PTPRM: variants seen among roughly 807,000 people sequenced by gnomAD.
The protein encoded by PTPRM is receptor-type tyrosine-protein phosphatase mu.
In PTPRM, 47 loss-of-function variants were observed where a neutral mutation model predicts 186.7. The observed-to-expected ratio is 0.25, with a 90% CI of 0.20 to 0.32. The LOEUF (loss-of-function observed/expected upper bound fraction) is 0.32. Ranked by LOEUF, PTPRM falls within the 10% of genes least tolerant of loss-of-function variation. The pLI is 1.00. For missense variants in PTPRM, 1,494 were observed against 1,865.0 expected, an observed-to-expected ratio of 0.80 and a Z score of 3.66; for synonymous variants, 668 against 674.9, an observed-to-expected ratio of 0.99 and a Z score of 0.16.
intron 2 of PTPRM, among the ~76,000 whole-genome samples, chr18:7,884,801 G>A (rs2048688331): frequency 6.6e-6 from 1 of 151,620 alleles, no homozygotes; most frequent in African/African-American, 2.4e-5. Context: ...GCAGGCACCT[G>A]TAATCCCAGC....
chr18:7,570,264 A>G (rs138162987), intron 1 of PTPRM, among the ~76,000 whole-genome samples: 1 of 152,054 alleles, frequency 6.6e-6, no homozygotes, highest in Non-Finnish European at 1.5e-5. Flanking sequence ...TTGTTTTTGT[A>G]TGTTGAGGAA....
intron 23 of PTPRM, among the ~76,000 whole-genome samples, chr18:8,350,665 TC>T (rs1431804777): frequency 1.8e-4 from 28 of 152,212 alleles, no homozygotes; most frequent in Non-Finnish European, 3.7e-4. Flanking sequence ...TCAGAATCCT[TC>T]AGTGATTCCT....
chr18:8,296,235 T>C, intron 19 of PTPRM, 133 bp from the exon 20 acceptor site: 6 of 624,522 alleles, frequency 9.6e-6, no homozygotes, highest in Admixed American at 2.8e-5. Flanking sequence ...AGTGTAATAA[T>C]CCCTTGTCTC....
Position 8,353,586 on chromosome 18 carries a change from C to T in PTPRM, c.3054+10066C>T, listed in dbSNP as rs186413544. Among the ~76,000 whole-genome samples the T allele has an allele frequency of 1.9e-3, 283 of 152,114 alleles. 1 individual carries two copies. The highest frequency in any genetic ancestry group is 6.5e-3 in the African/African-American group (269 of 41,470). On this transcript the variant is annotated intron_variant, in intron 23 of 32. Coordinates refer to ENST00000580170, the MANE Select transcript of PTPRM (RefSeq NM_001105244.2). ...ACTTGAGAATGAACCAGGGTTTCTA[C>T]CACTGTGACTTGGGTTGCTATAAAG... is the stretch of plus-strand genomic sequence containing the variant.
intron 22 of PTPRM, among the ~76,000 whole-genome samples, chr18:8,341,689 C>CT (rs950036340): frequency 6.6e-6 from 1 of 151,800 alleles, no homozygotes; most frequent in South Asian, 2.1e-4. Flanking sequence ...GAAGCCCCCC[C>CT]CCCTTTGATT....
intron 1 of PTPRM, among the ~76,000 whole-genome samples, chr18:7,694,552 A>G (rs1030677729): frequency 2.0e-5 from 3 of 151,214 alleles, no homozygotes; most frequent in African/African-American, 7.3e-5. Context: ...TCAGCCTCCC[A>G]AGTAGTTGGG....
chr18:8,233,008 A>T (rs1043582013), intron 14 of PTPRM, among the ~76,000 whole-genome samples: 4 of 152,194 alleles, frequency 2.6e-5, no homozygotes, highest in African/African-American at 9.7e-5. Context: ...TAGATGTCTC[A>T]GGAGATAACT....
intron 1 of PTPRM, among the ~76,000 whole-genome samples, chr18:7,585,443 C>T (rs2036954764): frequency 6.6e-6 from 1 of 152,094 alleles, no homozygotes; most frequent in South Asian, 2.1e-4. Context: ...TGGCAGTCTT[C>T]CCTTCTGTCC....
chr18:7,917,741 G>A (rs1334669407), intron 4 of PTPRM, among the ~76,000 whole-genome samples: 1 of 151,566 alleles, frequency 6.6e-6, no homozygotes, highest in African/African-American at 2.4e-5. Flanking sequence ...TTTGCAAACT[G>A]TGGTCACCCT....
Position 7,986,906 on chromosome 18 carries a change from G to A in PTPRM, c.1132+31492G>A, listed in dbSNP as rs77539360. Among the ~76,000 whole-genome samples, 1,421 of 152,226 alleles carry A rather than the reference G, an allele frequency of 9.3e-3. 23 individuals are homozygous for A. The highest frequency in any genetic ancestry group is 0.032 in the African/African-American group (1,316 of 41,512). On this transcript the variant is annotated intron_variant, in intron 7 of 32. Coordinates refer to ENST00000580170, the MANE Select transcript of PTPRM (RefSeq NM_001105244.2). ...GTAAGAAGAGGAGATTAGGATACAG[G>A]CATTGTACAGAGAGAAGACCATGGG... is the stretch of plus-strand genomic sequence containing the variant.
Position 8,022,501 on chromosome 18 carries a change from A to G in PTPRM, c.1133-47185A>G, listed in dbSNP as rs114294615. Among the ~76,000 whole-genome samples, 1,326 of 152,298 alleles carry G rather than the reference A, an allele frequency of 8.7e-3. 20 individuals are homozygous for G. Among genetic ancestry groups the G allele is most frequent in the African/African-American group, 0.031 (1,271 of 41,566 alleles). On this transcript the variant is annotated intron_variant, in intron 7 of 32. Transcript: ENST00000580170. ...TCCTTATCATTTCATAGCTCCTGGC[A>G]CAGTTGTGAATCTGAATCTTGAAGG...
chr18:7,680,562 G>A (rs73939335), intron 1 of PTPRM, among the ~76,000 whole-genome samples: 3,169 of 152,244 alleles, frequency 0.021, 96 homozygotes, highest in African/African-American at 0.067. Context: ...TAGGAAAACC[G>A]TTTCACATGC....
chr18:8,338,674 T>C (rs1216582538), intron 22 of PTPRM, among the ~76,000 whole-genome samples: 1 of 152,220 alleles, frequency 6.6e-6, no homozygotes, highest in Non-Finnish European at 1.5e-5. Context: ...GATGGTGTTT[T>C]CTAAATTTAA....
chr18:7,819,579 G>A (rs1311394145), intron 2 of PTPRM, among the ~76,000 whole-genome samples: 2 of 152,224 alleles, frequency 1.3e-5, no homozygotes, highest in Non-Finnish European at 2.9e-5. Flanking sequence ...ATAAAACCTC[G>A]TCCTCATTCT....
At chr18:8,161,022 A>C (rs2093219853) in intron 14 of PTPRM, among the ~76,000 whole-genome samples, 1 of 152,244 alleles carries the variant, frequency 6.6e-6, no homozygotes, top group South Asian at 2.1e-4. Flanking sequence ...GAATTTGAAG[A>C]AATTGGCCAC....
At chr18:7,617,368 A>G (rs2037831119) in intron 1 of PTPRM, among the ~76,000 whole-genome samples, 1 of 152,098 alleles carries the variant, frequency 6.6e-6, no homozygotes, top group Non-Finnish European at 1.5e-5. Flanking sequence ...ATGATTTTCT[A>G]GTGGCTGCAA....
intron 7 of PTPRM, among the ~76,000 whole-genome samples, chr18:7,964,326 T>G (rs968743328): frequency 2.0e-5 from 3 of 152,210 alleles, no homozygotes; most frequent in African/African-American, 7.2e-5. Flanking sequence ...TTCTTTCACT[T>G]TATAGTCTGA....
chr18:7,645,690 T>TA (rs1462057800), intron 1 of PTPRM, among the ~76,000 whole-genome samples: 1 of 152,198 alleles, frequency 6.6e-6, no homozygotes, highest in African/African-American at 2.4e-5. Flanking sequence ...ATAACACAGA[T>TA]AAAGACCAGC....
At chr18:7,952,568 C>T (rs1348806050) in intron 6 of PTPRM, among the ~76,000 whole-genome samples, 2 of 151,472 alleles carry the variant, frequency 1.3e-5, no homozygotes, top group Non-Finnish European at 2.9e-5. Context: ...TGGTGGCGGG[C>T]GCCTGTAGTC....
Sources: gnomAD v4.1 joint callset for allele counts (sites outside exome capture counted in the v4.1 genomes callset) on GRCh38, gnomAD v4.1.1 for gene constraint, MANE v1.5 for transcripts, NCBI Gene and HGNC (gene_info 2026-07-23, HGNC 2026-07-21) for gene names.